The following TSPEAR variants were observed in gnomAD, a reference collection of about 807,000 sequenced individuals.
The protein encoded by TSPEAR is thrombospondin-type laminin G domain and EAR repeat-containing protein.
Under a neutral mutation model 71.6 loss-of-function variants are expected in TSPEAR, and 69 were observed. That is an observed-to-expected ratio of 0.96 (90% CI 0.79 to 1.18). TSPEAR has a LOEUF of 1.18. TSPEAR is among the 50% of genes most tolerant of loss of function. The pLI is 0.00. For missense variants in TSPEAR, 971 were observed against 894.9 expected, an observed-to-expected ratio of 1.09 and a Z score of -1.09; for synonymous variants, 402 against 387.2, an observed-to-expected ratio of 1.04 and a Z score of -0.45.
chr21:44,677,650 A>T lies in TSPEAR; in HGVS notation c.82+33783T>A. 3 of 1,255,136 alleles carry T rather than the reference A, an allele frequency of 2.4e-6. 1 individual carries two copies. In the South Asian group the frequency reaches 3.6e-5, roughly 15 times the overall value. 77.7% of individuals were successfully genotyped at this position (1,255,136 alleles called of 1,614,324 possible). A position where few individuals can be genotyped will look rare whatever the true frequency, so the allele number is the denominator to read the frequency against. ...TCCTCATGCTGAACCCCAGGGACCA[A>T]CACTGTATCACCTGCGGTTGCTGAA... On this transcript the variant is annotated intron_variant, in intron 1 of 11. Transcript: ENST00000323084.
intron 3 of TSPEAR, among the ~76,000 whole-genome samples, chr21:44,531,385 C>T (rs984331899): frequency 2.7e-4 from 41 of 152,234 alleles, no homozygotes; most frequent in African/African-American, 8.9e-4. Context: ...GGTGGCTGCA[C>T]GTGCTCCCCG....
chr21:44,576,447 C>T (rs1173619778), intron 1 of TSPEAR, among the ~76,000 whole-genome samples: 14 of 121,422 alleles, frequency 1.2e-4, no homozygotes, highest in East Asian at 7.6e-4. Flanking sequence ...GACACACGGA[C>T]GTCCCAGGGT....
rs781978962 is a variant in TSPEAR at position 44,509,394 on chromosome 21, C to T, written c.1567-8G>A. 1.2e-6 allele frequency: 2 copies of T among 1,600,964 alleles called. No individual in the cohort carries two copies. Among genetic ancestry groups the T allele is most frequent in the Admixed American group, 3.4e-5 (2 of 59,286 alleles). ...GTCTGCAGCACCGAACGTCTAGGAC[C>T]AAAGGAGAGCAGGTGCAGAGGTGTG... On this transcript the variant is annotated splice_polypyrimidine_tract_variant and splice_region_variant and intron_variant, in intron 9 of 11. Transcript: ENST00000323084.
intron 2 of TSPEAR, among the ~76,000 whole-genome samples, chr21:44,558,973 C>T (rs1201526025): frequency 6.6e-6 from 1 of 152,104 alleles, no homozygotes; most frequent in East Asian, 1.9e-4. Flanking sequence ...GGAGTTAGGG[C>T]TTCCCTAATG....
At chr21:44,657,814 C>T (rs1430850557) in intron 1 of TSPEAR, 14 of 669,840 alleles carry the variant, frequency 2.1e-5, no homozygotes, top group Non-Finnish European at 2.6e-5. Context: ...AAAGTACACG[C>T]GGGAAAATAA....
intron 2 of TSPEAR, among the ~76,000 whole-genome samples, chr21:44,542,686 C>T (rs1440190622): frequency 3.6e-5 from 5 of 140,414 alleles, no homozygotes; most frequent in African/African-American, 1.3e-4. Context: ...GTAGAGGCTG[C>T]AGTGAGCCAA....
chr21:44,513,218 C>T (rs1180466612), intron 9 of TSPEAR, among the ~76,000 whole-genome samples: 2 of 152,214 alleles, frequency 1.3e-5, no homozygotes, highest in African/African-American at 4.8e-5. Context: ...TTGACAGCCC[C>T]TCCTCCCTAT....
Position 44,539,294 on chromosome 21 carries a change from C to G in TSPEAR, c.304-5371G>C, listed in dbSNP as rs782274772. The G allele has an allele frequency of 4.4e-6, 7 of 1,607,036 alleles. No individual in the cohort carries two copies. In the African/African-American group the frequency reaches 8.0e-5, roughly 18 times the overall value. ...TCAGCAGCTGGACTCCTGGCCTGAG[C>G]AGAGGCCTCAGCAGGCCGGGCGGGA... On this transcript the variant is annotated intron_variant, in intron 2 of 11. Coordinates refer to ENST00000323084, the MANE Select transcript of TSPEAR (RefSeq NM_144991.3).
At chr21:44,686,979 G>A (rs1205709841) in intron 1 of TSPEAR, among the ~76,000 whole-genome samples, 1 of 152,190 alleles carries the variant, frequency 6.6e-6, no homozygotes, top group African/African-American at 2.4e-5. Context: ...AGACGCTCTG[G>A]GAAAAGCTGT....
chr21:44,631,049 C>A (rs1983224351), intron 1 of TSPEAR, among the ~76,000 whole-genome samples: 1 of 149,518 alleles, frequency 6.7e-6, no homozygotes. Context: ...TGCAAAGAAG[C>A]AAGAATGTAT....
At chr21:44,513,084 AAAG>A (rs2052441633) in intron 9 of TSPEAR, among the ~76,000 whole-genome samples, 1 of 152,226 alleles carries the variant, frequency 6.6e-6, no homozygotes, top group Non-Finnish European at 1.5e-5. Flanking sequence ...ACTTTGGCAA[AAAG>A]AAAAATTAGT....
In TSPEAR at chr21:44,498,438, C is replaced by T. The variant is rs1459318893; in HGVS notation, c.*1345G>A. 1 of 152,214 alleles carries T rather than the reference C, an allele frequency of 6.6e-6. No homozygotes were observed. The highest frequency in any genetic ancestry group is 1.5e-5 in the Non-Finnish European group (1 of 68,052). 9.4% of individuals were successfully genotyped at this position (152,214 alleles called of 1,614,324 possible). A position where few individuals can be genotyped will look rare whatever the true frequency, so the allele number is the denominator to read the frequency against. On this transcript the variant is annotated 3_prime_UTR_variant, in exon 12 of 12. Transcript: ENST00000323084. ...GGGGAAGGAGGCTCTCGGCGACTGC[C>T]CCCAGAGGGGAGTGGCTCTCCACTG...
chr21:44,630,526 T>G (rs782813246), intron 1 of TSPEAR, among the ~76,000 whole-genome samples: 1 of 152,166 alleles, frequency 6.6e-6, no homozygotes, highest in Admixed American at 6.5e-5. Flanking sequence ...AAGGCCCCCA[T>G]GCATGCCCAT....
intron 1 of TSPEAR, among the ~76,000 whole-genome samples, chr21:44,650,084 A>T (rs1257619680): frequency 6.6e-6 from 1 of 152,136 alleles, no homozygotes; most frequent in Non-Finnish European, 1.5e-5. Flanking sequence ...ATTTAGCTGA[A>T]CATGGTGGTG....
At chr21:44,708,849 C>T (rs1312687970) in intron 1 of TSPEAR, among the ~76,000 whole-genome samples, 2 of 152,236 alleles carry the variant, frequency 1.3e-5, no homozygotes, top group African/African-American at 4.8e-5. Context: ...TGGGCAGGGG[C>T]CCTGGCCTGT....
intron 1 of TSPEAR, chr21:44,654,120 C>T (rs116499820): frequency 1.1e-4 from 68 of 642,844 alleles, no homozygotes; most frequent in African/African-American, 8.8e-4. Flanking sequence ...ATGGCCTCAC[C>T]GGCTGGGATC....
rs2052741441 is a variant in TSPEAR at position 44,521,881 on chromosome 21, A to G, written c.1566+2T>C. On this transcript the variant is annotated splice_donor_variant, in intron 9 of 11. Coordinates refer to ENST00000323084, the MANE Select transcript of TSPEAR (RefSeq NM_144991.3). LOFTEE classifies it high-confidence loss of function. ...AGCCGGGGCTCATGCGGGGGGCCTT[A>G]CCGGGAAGGACTGGAAGAGCTGGAA... The G allele has an allele frequency of 3.7e-6, 6 of 1,612,790 alleles. No individual in the cohort carries two copies. Among genetic ancestry groups the G allele is most frequent in the Non-Finnish European group, 5.1e-6 (6 of 1,179,466 alleles).
chr21:44,575,018 C>T (rs1555923721), intron 1 of TSPEAR: 2 of 1,595,586 alleles, frequency 1.3e-6, no homozygotes, highest in African/African-American at 1.3e-5. Flanking sequence ...GTCAGAAGCC[C>T]AGCTGCTGAT....
At chr21:44,540,220 GTGAC>G (rs1388240078) in intron 2 of TSPEAR, 11 of 1,574,482 alleles carry the variant, frequency 7.0e-6, no homozygotes, top group South Asian at 2.4e-5. Context: ...GTGTGTGTGA[GTGAC>G]TGAGTGTGTG....
Sources: allele counts gnomAD v4.1 joint callset (sites outside exome capture counted in the v4.1 genomes callset), GRCh38; gene constraint gnomAD v4.1.1; transcripts MANE v1.5; gene names NCBI Gene and HGNC (gene_info 2026-07-23, HGNC 2026-07-21).